The following EIPR1 variants were observed in gnomAD, a reference collection of about 807,000 sequenced individuals.
EIPR1 encodes EARP complex and GARP complex interacting protein 1.
In EIPR1, 25 loss-of-function variants were observed where a neutral mutation model predicts 48.1. The ratio of observed to expected loss-of-function variants is 0.52; its 90% CI spans 0.38 to 0.73. The LOEUF (loss-of-function observed/expected upper bound fraction) is 0.73. Among genes scored for constraint, EIPR1 ranks in the 30% least tolerant of loss-of-function variants. The pLI is 0.00. For missense variants in EIPR1, 415 were observed against 506.2 expected (o/e 0.82, Z 1.73); for synonymous variants, 204 against 201.9 (o/e 1.01, Z -0.09).
chr2:3,338,119 T>G lies in EIPR1; in HGVS notation c.157A>C (p.Asn53His). 1 of 1,611,986 alleles carries G rather than the reference T, an allele frequency of 6.2e-7. No individual in the cohort carries two copies. Among genetic ancestry groups the G allele is most frequent in the African/African-American group, 1.3e-5 (1 of 74,930 alleles). The change falls in exon 3 of 9, where the codon AAC becomes CAC. Residue 53 changes from asparagine to histidine, a missense_variant. Asn to His is a moderately conservative substitution (Grantham distance 68, BLOSUM62 1). Transcript: ENST00000382125. ...IHIIDFDDEN[N>H]IINKNVLLHQ... ...AGGAGGACATTTTTATTTATAATGT[T>G]GTTTTCATCGTCAAAATCTATGATA... is the stretch of plus-strand genomic sequence containing the variant.
rs1216463468 is a variant in EIPR1 at position 3,268,383 on chromosome 2, C to T, written c.260-10928G>A. Among the ~76,000 whole-genome samples, 5 of 152,192 alleles carry T rather than the reference C, an allele frequency of 3.3e-5. No homozygotes were observed. In the South Asian group the frequency reaches 1.0e-3, roughly 31 times the overall value. ...CTGCACTCCAGAGGGCAGCCTCCTGCCAATCCAGCGACTGTGGACCAGCTC... is the reference window on the plus strand; with the variant it reads ...CTGCACTCCAGAGGGCAGCCTCCTGTCAATCCAGCGACTGTGGACCAGCTC... On this transcript the variant is annotated intron_variant, in intron 3 of 8. Coordinates refer to ENST00000382125, the MANE Select transcript of EIPR1 (RefSeq NM_003310.5).
intron 2 of EIPR1, chr2:3,353,282 A>C (rs1268949196): frequency 2.1e-6 from 1 of 471,014 alleles, no homozygotes; most frequent in Non-Finnish European, 4.4e-6. Flanking sequence ...CCCTTGGCTC[A>C]ATTTTTAGTC....
At chr2:3,215,155 A>T (rs1264787156) in intron 4 of EIPR1, among the ~76,000 whole-genome samples, 1 of 152,238 alleles carries the variant, frequency 6.6e-6, no homozygotes, top group Non-Finnish European at 1.5e-5. Context: ...CGTGGGCTTC[A>T]TCAGTAACTA....
At chr2:3,237,605 AAG>A (rs1320825429) in intron 4 of EIPR1, among the ~76,000 whole-genome samples, 2 of 152,208 alleles carry the variant, frequency 1.3e-5, no homozygotes, top group African/African-American at 4.8e-5. Context: ...CTGTATGACT[AAG>A]AGCACAGATC....
chr2:3,248,001 T>C (rs1190073395), intron 4 of EIPR1, among the ~76,000 whole-genome samples: 1 of 152,068 alleles, frequency 6.6e-6, no homozygotes, highest in East Asian at 1.9e-4. Context: ...CCCCTCCACA[T>C]GTCATGTTGC....
chr2:3,348,715 C>A (rs899169728), intron 2 of EIPR1, among the ~76,000 whole-genome samples: 5 of 152,222 alleles, frequency 3.3e-5, no homozygotes, highest in Non-Finnish European at 7.3e-5. Flanking sequence ...ATGCAGGTAC[C>A]GGGCATTTTC....
intron 5 of EIPR1, among the ~76,000 whole-genome samples, chr2:3,213,171 C>G (rs890604017): frequency 3.3e-5 from 5 of 152,216 alleles, no homozygotes; most frequent in Non-Finnish European, 7.3e-5. Context: ...TGCGCAATCG[C>G]TTTGACTGTG....
intron 3 of EIPR1, among the ~76,000 whole-genome samples, chr2:3,304,820 CCAGTTCAGCCCTCCAGTCCCGT>C (rs1287473928): frequency 2.0e-4 from 30 of 150,258 alleles, no homozygotes; most frequent in Non-Finnish European, 2.1e-4. Context: ...CCACTCCCGT[CCAGTTCAGCCCTCCAGTCCCGT>C]CCAGTTCAGC....
chr2:3,261,963 C>T (rs7591840), intron 3 of EIPR1: 6,150 of 152,288 alleles, frequency 0.04, 141 homozygotes, highest in South Asian at 0.074. Flanking sequence ...CTGAATTCAC[C>T]ATTGGCTTCT....
intron 5 of EIPR1, among the ~76,000 whole-genome samples, chr2:3,198,427 G>C (rs1179919400): frequency 3.3e-5 from 5 of 152,152 alleles, no homozygotes; most frequent in African/African-American, 9.7e-5. Flanking sequence ...AAGAGGCCTC[G>C]GGCCCAGGAA....
chr2:3,297,507 C>T (rs1392145001), intron 3 of EIPR1, among the ~76,000 whole-genome samples: 1 of 152,226 alleles, frequency 6.6e-6, no homozygotes, highest in East Asian at 1.9e-4. Context: ...AAGAGTTGAG[C>T]TACGAGGTTC....
At chr2:3,290,085 G>A (rs1032835428) in intron 3 of EIPR1, among the ~76,000 whole-genome samples, 22 of 152,120 alleles carry the variant, frequency 1.4e-4, no homozygotes, top group African/African-American at 4.3e-4. Flanking sequence ...ATTTTCTTTT[G>A]TACTTAGCAT....
chr2:3,267,658 T>C (rs1433986549), intron 3 of EIPR1, among the ~76,000 whole-genome samples: 1 of 152,258 alleles, frequency 6.6e-6, no homozygotes, highest in Non-Finnish European at 1.5e-5. Flanking sequence ...AGGCCAGCAG[T>C]GCCTGTTCAC....
chr2:3,362,950 G>A (rs1172224732), intron 1 of EIPR1, among the ~76,000 whole-genome samples: 3 of 152,198 alleles, frequency 2.0e-5, no homozygotes, highest in Non-Finnish European at 4.4e-5. Flanking sequence ...AGGAGAGTAG[G>A]GCAGGCAGGG....
chr2:3,308,394 AG>A (rs1285724824), intron 3 of EIPR1, among the ~76,000 whole-genome samples: 1 of 152,266 alleles, frequency 6.6e-6, no homozygotes, highest in Non-Finnish European at 1.5e-5. Flanking sequence ...GATATAAAAA[AG>A]AACCAAATGG....
rs1372200423 is a variant in EIPR1, at chr2:3,226,008, A to G, written c.417-11760T>C. 2.6e-5 allele frequency among the ~76,000 whole-genome samples: 4 copies of G among 152,358 alleles called. No individual in the cohort carries two copies. The East Asian group carries it at 7.7e-4, about 29-fold the overall frequency. ...CTGAACAATATTCCACTCTATATGT[A>G]TCTACCACAATTTCTTTATCCCTTC... On this transcript the variant is annotated intron_variant, in intron 4 of 8. Transcript: ENST00000382125.
intron 3 of EIPR1, among the ~76,000 whole-genome samples, chr2:3,282,248 G>C (rs1402228036): frequency 6.6e-6 from 1 of 152,216 alleles, no homozygotes; most frequent in Non-Finnish European, 1.5e-5. Context: ...CTGCCCCTCT[G>C]TGCAGCTTGC....
intron 3 of EIPR1, among the ~76,000 whole-genome samples, chr2:3,269,893 C>G (rs553714494): frequency 1.3e-5 from 2 of 152,224 alleles, no homozygotes; most frequent in Non-Finnish European, 2.9e-5. Context: ...CTCCCCAGCA[C>G]GCGAATGAAG....
At chr2:3,347,245 G>A (rs939998285) in intron 2 of EIPR1, among the ~76,000 whole-genome samples, 4 of 152,112 alleles carry the variant, frequency 2.6e-5, no homozygotes, top group Non-Finnish European at 5.9e-5. Context: ...ATGCAAGAAT[G>A]GCCTAATACA....
Sources: allele counts gnomAD v4.1 joint callset (sites outside exome capture counted in the v4.1 genomes callset), GRCh38; gene constraint gnomAD v4.1.1; transcripts MANE v1.5; gene names NCBI Gene and HGNC (gene_info 2026-07-23, HGNC 2026-07-21).